Variants in TTC4 observed in about 807,000 individuals in gnomAD.
TTC4 encodes the protein tetratricopeptide repeat domain 4, also known as hsp70/Hsp90 co-chaperone CNS1 homolog.
In TTC4, 36 loss-of-function variants were observed where a neutral mutation model predicts 51.9. That is an observed-to-expected ratio of 0.69 (90% CI 0.53 to 0.92). The LOEUF (loss-of-function observed/expected upper bound fraction) is 0.92. TTC4 is among the 40% of genes least tolerant of loss of function. The pLI is 0.00. For synonymous variants in TTC4, 144 were observed against 164.2 expected, an observed-to-expected ratio of 0.88 and a Z score of 0.94; for missense variants, 399 against 454.6, an observed-to-expected ratio of 0.88 and a Z score of 1.11.
intron 9 of TTC4, 142 bp from the exon 10 acceptor site, chr1:54,741,269 G>C (rs1646006933): frequency 8.9e-6 from 7 of 785,580 alleles, no homozygotes; most frequent in Non-Finnish European, 1.6e-5. Flanking sequence ...CCAGATTTAT[G>C]AACAACCACA....
chr1:54,733,593 T>G (rs1645896092), intron 7 of TTC4, 36 bp from the exon 8 acceptor site: 2 of 1,513,970 alleles, frequency 1.3e-6, no homozygotes, highest in Non-Finnish European at 9.0e-7. Flanking sequence ...AGATCATGAG[T>G]TATTGATACC....
chr1:54,736,679 T>A (rs577150369), intron 8 of TTC4: 19 of 152,354 alleles, frequency 1.2e-4, no homozygotes, highest in Admixed American at 3.9e-4. Flanking sequence ...CTGACTTTAT[T>A]ATTCTTAATA....
At chr1:54,720,458 A>G (rs1471050055) in intron 3 of TTC4, among the ~76,000 whole-genome samples, 1 of 146,580 alleles carries the variant, frequency 6.8e-6, no homozygotes, top group Non-Finnish European at 1.5e-5. Flanking sequence ...TTTTTAATGC[A>G]CTTACAAATA....
At position 54,721,178 on chromosome 1, in the gene TTC4, C is replaced by G; in HGVS notation, c.407C>G (p.Ala136Gly). ...AQYYLGNFRS[A>G]LNDVTAARKL... ...GTTTTGTTAGGCAATTTTCGTTCTG[C>G]TCTCAATGATGTGACAGCTGCCAGA... The change falls in exon 4 of 10, where the codon GCT becomes GGT. Residue 136 changes from alanine (A) to glycine (G), a missense_variant. By Grantham distance (60) the Ala-to-Gly change is moderately conservative (BLOSUM62 0). Coordinates refer to ENST00000371281, the MANE Select transcript of TTC4 (RefSeq NM_004623.5). The G allele has an allele frequency of 1.9e-6, 3 of 1,613,438 alleles. No individual in the cohort carries two copies. The highest frequency in any genetic ancestry group is 2.5e-6 in the Non-Finnish European group (3 of 1,179,540).
chr1:54,726,907 G>A (rs939634099), intron 5 of TTC4, among the ~76,000 whole-genome samples: 1 of 152,096 alleles, frequency 6.6e-6, no homozygotes, highest in African/African-American at 2.4e-5. Context: ...CAAGCAACTG[G>A]GACTATAGGC....
chr1:54,719,756 AAAT>A (rs1184377283), intron 3 of TTC4, among the ~76,000 whole-genome samples: 15 of 152,208 alleles, frequency 9.9e-5, no homozygotes, highest in African/African-American at 2.7e-4. Context: ...TGGTTTTTAT[AAAT>A]AATGCAAAAA....
At chr1:54,724,451 A>G (rs1168666180) in intron 5 of TTC4, among the ~76,000 whole-genome samples, 1 of 151,206 alleles carries the variant, frequency 6.6e-6, no homozygotes, top group Non-Finnish European at 1.5e-5. Context: ...TTTAATTTGT[A>G]AATTTGTAGA....
At chr1:54,738,742 C>A (rs1477915337) in intron 9 of TTC4, among the ~76,000 whole-genome samples, 4 of 151,008 alleles carry the variant, frequency 2.6e-5, no homozygotes, top group Non-Finnish European at 4.4e-5. Context: ...ACTGCAACCT[C>A]TACCTCACCC....
intron 6 of TTC4, among the ~76,000 whole-genome samples, chr1:54,728,951 T>C (rs530348225): frequency 6.6e-6 from 1 of 152,218 alleles, no homozygotes; most frequent in African/African-American, 2.4e-5. Flanking sequence ...CAGCATACAA[T>C]TTTTCTTCTA....
rs1646014950 is a variant in TTC4 at position 54,741,782 on chromosome 1, G to T, written c.*269G>T. On this transcript the variant is annotated 3_prime_UTR_variant, in exon 10 of 10. Transcript: ENST00000371281. ...ATCGCTAAAGGGACCATCTGCTGCA[G>T]TTACCACAGCAACTGACCTGAGCGG... The T allele has an allele frequency of 8.1e-6, 4 of 495,726 alleles. No individual in the cohort carries two copies. The highest frequency in any genetic ancestry group is 1.5e-5 in the Non-Finnish European group (4 of 274,956). The allele number at this position is 495,726 out of a possible 1,614,324, so 30.7% of individuals were successfully genotyped here.
chr1:54,741,106 C>T (rs1215350026), intron 9 of TTC4, among the ~76,000 whole-genome samples: 1 of 152,154 alleles, frequency 6.6e-6, no homozygotes, highest in Non-Finnish European at 1.5e-5. Flanking sequence ...GTGTTTTCAG[C>T]ACAGGGCCTG....
At chr1:54,740,497 G>A (rs1645998795) in intron 9 of TTC4, among the ~76,000 whole-genome samples, 1 of 152,114 alleles carries the variant, frequency 6.6e-6, no homozygotes, top group Non-Finnish European at 1.5e-5. Context: ...TTCTTTAAAG[G>A]CCTGAGTTCT....
In TTC4 at chr1:54,717,512, G is replaced by A; in HGVS notation, c.250G>A (p.Asp84Asn). The change falls in exon 3 of 10, where the codon GAT becomes AAT. Residue 84 changes from aspartate to asparagine, a missense_variant. By Grantham distance (23) the Asp-to-Asn change is conservative (BLOSUM62 1). Coordinates refer to ENST00000371281, the MANE Select transcript of TTC4 (RefSeq NM_004623.5). ...SPEEQAKTYK[D>N]EGNDYFKEKD... ...TGCAGAACAGGCCAAGACCTATAAA[G>A]ATGAGGGCAATGATTACTTTAAAGA... 6.2e-7 allele frequency: 1 copy of A among 1,601,804 alleles called. No homozygotes were observed. The highest frequency in any genetic ancestry group is 1.1e-5 in the South Asian group (1 of 88,554).
intron 8 of TTC4, among the ~76,000 whole-genome samples, chr1:54,734,173 G>A (rs1011568818): frequency 2.0e-5 from 3 of 152,054 alleles, no homozygotes; most frequent in African/African-American, 7.2e-5. Context: ...CCAGGTTCAA[G>A]CGATTCTCCT....
intron 5 of TTC4, among the ~76,000 whole-genome samples, chr1:54,725,541 C>G (rs1645789038): frequency 6.6e-6 from 1 of 152,182 alleles, no homozygotes; most frequent in Admixed American, 6.5e-5. Flanking sequence ...GAATTGTAAA[C>G]TGCTTGGGTG....
chr1:54,721,187 A>T lies in TTC4; in HGVS notation c.416A>T (p.Asp139Val), dbSNP rs755493608. The change falls in exon 4 of 10, where the codon GAT becomes GTT. Residue 139 changes from aspartate to valine, a missense_variant. Physicochemically the swap from Asp to Val is radical, Grantham distance 152. Around this residue, in one of 3 missense-constraint regions of TTC4, gnomAD observed 316 missense variants for 349.6 expected, o/e 0.90. Transcript: ENST00000371281. ...GGCAATTTTCGTTCTGCTCTCAATG[A>T]TGTGACAGCTGCCAGAAAGCTAAAA... ...YLGNFRSALN[D>V]VTAARKLKPC... 11 of 1,613,432 alleles carry T rather than the reference A, an allele frequency of 6.8e-6. No homozygotes were observed. In the African/African-American group the frequency reaches 1.3e-4, roughly 20 times the overall value.
At chr1:54,733,309 A>C (rs558145656) in intron 7 of TTC4, among the ~76,000 whole-genome samples, 1 of 151,938 alleles carries the variant, frequency 6.6e-6, no homozygotes, top group East Asian at 1.9e-4. Flanking sequence ...AGTCTCAGCT[A>C]TGCAGGAGGC....
At chr1:54,740,940 T>C (rs886721135) in intron 9 of TTC4, among the ~76,000 whole-genome samples, 10 of 152,104 alleles carry the variant, frequency 6.6e-5, no homozygotes, top group Non-Finnish European at 1.5e-4. Flanking sequence ...CCCTTCCTCA[T>C]AGAGGGAATC....
At chr1:54,716,114 C>T in intron 1 of TTC4, 95 bp downstream of exon 1, 1 of 980,044 alleles carries the variant, frequency 1.0e-6, no homozygotes, top group South Asian at 1.5e-5. Flanking sequence ...TCCCAGATCC[C>T]TGGCGCTGCC....
Sources: allele counts gnomAD v4.1 joint callset (sites outside exome capture counted in the v4.1 genomes callset), GRCh38; gene constraint gnomAD v4.1.1; regional missense constraint gnomAD v4.1.1; transcripts MANE v1.5; gene names NCBI Gene and HGNC (gene_info 2026-07-23, HGNC 2026-07-21).